The following RANBP17 variants were observed in gnomAD, a reference collection of about 807,000 sequenced individuals.
RANBP17 encodes the protein RAN binding protein 17.
A neutral mutation model predicts 141.2 loss-of-function variants in RANBP17; 158 were observed. The ratio of observed to expected loss-of-function variants is 1.12; its 90% CI spans 0.98 to 1.28. The LOEUF is 1.28. RANBP17 is among the 50% of genes most tolerant of loss of function. RANBP17 has a pLI of 0.00. For synonymous variants in RANBP17, 430 were observed against 450.0 expected (o/e 0.96, Z 0.56); for missense variants, 1,438 against 1,290.7 (o/e 1.11, Z -1.75).
At chr5:171,207,071 C>T (rs867502615) in intron 20 of RANBP17, 1 of 166,298 alleles carries the variant, frequency 6.0e-6, no homozygotes, top group African/African-American at 2.4e-5. Context: ...AAGCGATCCT[C>T]CCACCTCAGC....
In RANBP17 at chr5:171,164,894, A is replaced by G. The variant is rs114459596; in HGVS notation, c.1711-5236A>G. ...GAAGGTGTTAATTGAACATATTTGT[A>G]AAGATTTAAGAGTTATGGATACAGA... On this transcript the variant is annotated intron_variant, in intron 14 of 27. Coordinates refer to ENST00000523189, the MANE Select transcript of RANBP17 (RefSeq NM_022897.5). Among the ~76,000 whole-genome samples the G allele has an allele frequency of 8.4e-3, 1,287 of 152,348 alleles. 19 individuals carry two copies. Among genetic ancestry groups the G allele is most frequent in the African/African-American group, 0.03 (1,243 of 41,576 alleles).
At chr5:171,181,935 G>A (rs1227617226) in intron 16 of RANBP17, among the ~76,000 whole-genome samples, 1 of 152,226 alleles carries the variant, frequency 6.6e-6, no homozygotes, top group East Asian at 1.9e-4. Flanking sequence ...ATTTCTTGGA[G>A]AGGGAAACTA....
At chr5:171,293,329 A>G (rs1161504822) in intron 25 of RANBP17, among the ~76,000 whole-genome samples, 1 of 152,258 alleles carries the variant, frequency 6.6e-6, no homozygotes, top group African/African-American at 2.4e-5. Flanking sequence ...TGAGTAATGT[A>G]CATGTAGGAA....
intron 27 of RANBP17, 132 bp downstream of exon 27, chr5:171,296,146 G>A (rs1768802779): frequency 9.3e-6 from 8 of 855,624 alleles, no homozygotes; most frequent in Non-Finnish European, 1.4e-5. Flanking sequence ...CCTAGACTCA[G>A]TTCCATTCCA....
intron 14 of RANBP17, among the ~76,000 whole-genome samples, chr5:171,168,469 C>T (rs1457439473): frequency 1.3e-5 from 2 of 152,200 alleles, no homozygotes; most frequent in South Asian, 2.1e-4. Context: ...TTAATCATGT[C>T]GATGCTAGGT....
At chr5:171,281,241 C>T (rs760192356) in intron 25 of RANBP17, among the ~76,000 whole-genome samples, 1 of 152,154 alleles carries the variant, frequency 6.6e-6, no homozygotes, top group Non-Finnish European at 1.5e-5. Flanking sequence ...CAAAAAATGT[C>T]AAGTAAACTC....
intron 25 of RANBP17, among the ~76,000 whole-genome samples, chr5:171,292,231 A>G (rs1226483091): frequency 6.6e-6 from 1 of 152,238 alleles, no homozygotes; most frequent in African/African-American, 2.4e-5. Flanking sequence ...CATACCATAA[A>G]TATGCAATTG....
chr5:170,881,861 T>C lies in RANBP17; in HGVS notation c.221T>C (p.Val74Ala), dbSNP rs1424701359. 6.2e-7 allele frequency: 1 copy of C among 1,610,114 alleles called. No homozygotes were observed. The highest frequency in any genetic ancestry group is 2.2e-5 in the East Asian group (1 of 44,758). Residue 74 changes from valine to alanine, a missense_variant, in exon 3 of 28, where the codon GTC becomes GCC. Transcript: ENST00000523189. ...TGTCTTTCAAAACTTGTCAGCCGAG[T>C]CAGTCCTTTACCTGTTGAGCAGAGG... ...ATCLSKLVSR[V>A]SPLPVEQRMD...
At chr5:170,933,301 T>G (rs1027133462) in intron 12 of RANBP17, among the ~76,000 whole-genome samples, 20 of 152,162 alleles carry the variant, frequency 1.3e-4, no homozygotes, top group Admixed American at 1.0e-3. Flanking sequence ...TTCCTCTCTC[T>G]TTTCTTCTTT....
At chr5:171,246,196 A>T (rs923686124) in intron 24 of RANBP17, among the ~76,000 whole-genome samples, 2 of 152,042 alleles carry the variant, frequency 1.3e-5, no homozygotes, top group African/African-American at 4.8e-5. Context: ...TCATACTTTT[A>T]TAAGTCACTG....
chr5:171,031,170 T>A (rs182338818), intron 14 of RANBP17, among the ~76,000 whole-genome samples: 17 of 152,156 alleles, frequency 1.1e-4, no homozygotes, highest in African/African-American at 4.1e-4. Context: ...ATTTACAGGC[T>A]TTAAATATGT....
At chr5:170,955,440 T>G (rs1775540567) in intron 13 of RANBP17, among the ~76,000 whole-genome samples, 1 of 140,092 alleles carries the variant, frequency 7.1e-6, no homozygotes, top group Non-Finnish European at 1.5e-5. Context: ...CTAACTTATT[T>G]GAAAGAGCTC....
intron 21 of RANBP17, among the ~76,000 whole-genome samples, chr5:171,221,115 A>C (rs1763528898): frequency 1.3e-5 from 2 of 152,196 alleles, no homozygotes; most frequent in Admixed American, 1.3e-4. Flanking sequence ...TCAGGAGGTC[A>C]TGTTAGTTCT....
intron 14 of RANBP17, among the ~76,000 whole-genome samples, chr5:171,135,955 G>A (rs963662010): frequency 6.6e-6 from 1 of 152,138 alleles, no homozygotes; most frequent in Non-Finnish European, 1.5e-5. Context: ...AGAATACTGG[G>A]TGATAAATCA....
chr5:171,045,651 A>G (rs532168298), intron 14 of RANBP17, among the ~76,000 whole-genome samples: 1 of 152,296 alleles, frequency 6.6e-6, no homozygotes, highest in Non-Finnish European at 1.5e-5. Flanking sequence ...GGAAAAGCAA[A>G]ATAGCCTCTA....
chr5:170,909,786 A>C, intron 6 of RANBP17, 21 bp downstream of exon 6: 2 of 1,155,910 alleles, frequency 1.7e-6, no homozygotes. Context: ...TGATAATTCA[A>C]CTTCCTAGTT....
chr5:171,229,820 C>CT lies in RANBP17; in HGVS notation c.2422+7983dup, dbSNP rs201559257. Among the ~76,000 whole-genome samples the CT allele has an allele frequency of 8.0e-3, 1,188 of 148,138 alleles. 14 individuals are homozygous for CT. The highest frequency in any genetic ancestry group is 0.025 in the Middle Eastern group (7 of 278). On this transcript the variant is annotated intron_variant, in intron 22 of 27. Transcript: ENST00000523189. ...GTGGCTCACACCTGTAATCCCAGCA[C>CT]TTTGGGAGGCCAGGGCGAGTGGGTC...
intron 14 of RANBP17, among the ~76,000 whole-genome samples, chr5:171,110,510 T>G (rs550307450): frequency 6.6e-6 from 1 of 152,150 alleles, no homozygotes; most frequent in African/African-American, 2.4e-5. Flanking sequence ...ATGAGCTTTA[T>G]AGGGGAGGCA....
chr5:170,992,228 G>C (rs964339754), intron 14 of RANBP17, among the ~76,000 whole-genome samples: 1 of 151,770 alleles, frequency 6.6e-6, no homozygotes, highest in Non-Finnish European at 1.5e-5. Context: ...TATCCTTTTC[G>C]GGGGTAGTAG....
Sources: allele counts gnomAD v4.1 joint callset (sites outside exome capture counted in the v4.1 genomes callset), GRCh38; gene constraint gnomAD v4.1.1; transcripts MANE v1.5; gene names NCBI Gene and HGNC (gene_info 2026-07-23, HGNC 2026-07-21).